KCNB2: variants seen among roughly 807,000 people sequenced by gnomAD.
The protein encoded by KCNB2 is potassium voltage-gated channel subfamily B member 2.
A neutral mutation model predicts 61.5 loss-of-function variants in KCNB2; 15 were observed. The observed-to-expected ratio is 0.24, with a 90% CI of 0.16 to 0.38. The LOEUF is 0.38. Among genes scored for constraint, KCNB2 ranks in the 10% least tolerant of loss-of-function variants. The pLI is 1.00. For missense variants in KCNB2, 828 were observed against 1,125.2 expected, an observed-to-expected ratio of 0.74 and a Z score of 3.78; for synonymous variants, 457 against 446.0, an observed-to-expected ratio of 1.02 and a Z score of -0.31.
intron 2 of KCNB2, among the ~76,000 whole-genome samples, chr8:72,628,330 G>T (rs569325428): frequency 8.5e-5 from 13 of 152,104 alleles, no homozygotes; most frequent in African/African-American, 2.7e-4. Context: ...AGGAATGTGT[G>T]TGTATGTGTG....
chr8:72,913,390 T>G (rs1806335320), intron 2 of KCNB2, among the ~76,000 whole-genome samples: 1 of 152,216 alleles, frequency 6.6e-6, no homozygotes, highest in Non-Finnish European at 1.5e-5. Context: ...GGAGATTACA[T>G]TTTTAAAAGA....
intron 2 of KCNB2, among the ~76,000 whole-genome samples, chr8:72,589,292 A>G (rs1807049027): frequency 6.6e-6 from 1 of 152,200 alleles, no homozygotes; most frequent in Admixed American, 6.5e-5. Context: ...ATTTTGGACT[A>G]TGTGTCGTCT....
In KCNB2 at chr8:72,550,429, A is replaced by G. The variant is rs149812666; in HGVS notation, c.-94+12544A>G. Among the ~76,000 whole-genome samples, 356 of 152,326 alleles carry G rather than the reference A, an allele frequency of 2.3e-3. 3 individuals carry two copies. The highest frequency in any genetic ancestry group is 3.5e-3 in the Non-Finnish European group (239 of 68,028). On this transcript the variant is annotated intron_variant, in intron 1 of 2. Transcript: ENST00000523207. ...CCTTTCGAGGCTTATGGTCTGCCTG[A>G]AAACAAACATAGAACCCCTAGATCC...
At chr8:72,730,626 A>G (rs897679183) in intron 2 of KCNB2, among the ~76,000 whole-genome samples, 18 of 152,218 alleles carry the variant, frequency 1.2e-4, no homozygotes, top group Admixed American at 1.2e-3. Flanking sequence ...GAAAAAAGCA[A>G]TTAGCTCTTT....
In KCNB2 at chr8:72,889,944, C is replaced by T. The variant is rs145882197; in HGVS notation, c.580-45991C>T. ...CAAATTTTTGTATTTTTAGTAGAGA[C>T]AGGGCTTCATCAGGCTGGTCTTGAA... On this transcript the variant is annotated intron_variant, in intron 2 of 2. Transcript: ENST00000523207. 3.9e-3 allele frequency among the ~76,000 whole-genome samples: 600 copies of T among 152,176 alleles called. 3 individuals carry two copies. Among genetic ancestry groups the T allele is most frequent in the Non-Finnish European group, 5.7e-3 (390 of 67,998 alleles).
At chr8:72,783,343 C>A (rs559279029) in intron 2 of KCNB2, among the ~76,000 whole-genome samples, 25 of 152,262 alleles carry the variant, frequency 1.6e-4, no homozygotes, top group African/African-American at 5.5e-4. Context: ...CAAGGTCTTG[C>A]AAGACTGACC....
At chr8:72,664,933 G>C (rs1374780410) in intron 2 of KCNB2, among the ~76,000 whole-genome samples, 1 of 152,158 alleles carries the variant, frequency 6.6e-6, no homozygotes, top group African/African-American at 2.4e-5. Flanking sequence ...CCCGTGGCAG[G>C]AGAATGCCTG....
At chr8:72,766,860 C>A (rs193067798) in intron 2 of KCNB2, among the ~76,000 whole-genome samples, 1 of 152,180 alleles carries the variant, frequency 6.6e-6, no homozygotes, top group East Asian at 1.9e-4. Context: ...TAAAGATATA[C>A]CCAAGACTGG....
chr8:72,769,302 G>A (rs1808520954), intron 2 of KCNB2, among the ~76,000 whole-genome samples: 1 of 151,950 alleles, frequency 6.6e-6, no homozygotes, highest in Non-Finnish European at 1.5e-5. Context: ...AGTAGTTTAA[G>A]AGCCTAATTC....
At chr8:72,539,740 T>G (rs542177041) in intron 1 of KCNB2, among the ~76,000 whole-genome samples, 15 of 152,334 alleles carry the variant, frequency 9.8e-5, no homozygotes, top group African/African-American at 3.6e-4. Flanking sequence ...ATGCATCCGT[T>G]GAAACTATTT....
intron 1 of KCNB2, among the ~76,000 whole-genome samples, chr8:72,563,800 C>T (rs1806582336): frequency 6.6e-6 from 1 of 152,204 alleles, no homozygotes; most frequent in South Asian, 2.1e-4. Flanking sequence ...ACTTTTGGAA[C>T]ACTATTCACA....
intron 2 of KCNB2, among the ~76,000 whole-genome samples, chr8:72,820,710 T>C (rs1809483209): frequency 6.6e-6 from 1 of 152,192 alleles, no homozygotes; most frequent in Non-Finnish European, 1.5e-5. Context: ...TATTACTTTC[T>C]TTGCCTCTTG....
At chr8:72,763,578 G>A (rs892929353) in intron 2 of KCNB2, among the ~76,000 whole-genome samples, 21 of 152,278 alleles carry the variant, frequency 1.4e-4, no homozygotes, top group Non-Finnish European at 2.4e-4. Context: ...CCATTTGGTT[G>A]TGATTATTTA....
chr8:72,558,637 T>A (rs1453696487), intron 1 of KCNB2, among the ~76,000 whole-genome samples: 1 of 152,182 alleles, frequency 6.6e-6, no homozygotes, highest in Non-Finnish European at 1.5e-5. Flanking sequence ...ATTATTTACT[T>A]TTTTAGTTAA....
chr8:72,800,390 C>G (rs1809105486), intron 2 of KCNB2, among the ~76,000 whole-genome samples: 1 of 152,170 alleles, frequency 6.6e-6, no homozygotes, highest in African/African-American at 2.4e-5. Flanking sequence ...CAACACCTGA[C>G]TCTTGACTAT....
At position 72,890,337 on chromosome 8, in the gene KCNB2, G is replaced by A. The variant is rs539011977; in HGVS notation, c.580-45598G>A. Among the ~76,000 whole-genome samples the A allele has an allele frequency of 2.1e-4, 32 of 152,314 alleles. No individual in the cohort carries two copies. In the South Asian group the frequency reaches 6.6e-3, roughly 32 times the overall value. Reference sequence around the variant, plus strand: ...GTGGCAGTACAAAGGGTGTGGCAGAGGCGGAGATTGAACTCTGCTGCTTTG... The same window carrying A: ...GTGGCAGTACAAAGGGTGTGGCAGAAGCGGAGATTGAACTCTGCTGCTTTG... On this transcript the variant is annotated intron_variant, in intron 2 of 2. Transcript: ENST00000523207.
intron 2 of KCNB2, among the ~76,000 whole-genome samples, chr8:72,866,002 C>T (rs1188090733): frequency 6.6e-6 from 1 of 152,174 alleles, no homozygotes. Flanking sequence ...GGCACAAGAC[C>T]TGCCCCATTG....
intron 2 of KCNB2, among the ~76,000 whole-genome samples, chr8:72,673,038 C>T (rs1806591372): frequency 6.6e-6 from 1 of 152,148 alleles, no homozygotes; most frequent in African/African-American, 2.4e-5. Context: ...GCAATCTCAC[C>T]TCTGGGTATA....
intron 2 of KCNB2, among the ~76,000 whole-genome samples, chr8:72,790,725 C>T (rs73313540): frequency 0.027 from 4,038 of 152,204 alleles, 62 homozygotes; most frequent in African/African-American, 0.037. Context: ...AAACACCTTA[C>T]AGATACTTTT....
Sources: gnomAD v4.1 joint callset for allele counts (sites outside exome capture counted in the v4.1 genomes callset) on GRCh38, gnomAD v4.1.1 for gene constraint, MANE v1.5 for transcripts, NCBI Gene and HGNC (gene_info 2026-07-23, HGNC 2026-07-21) for gene names.